The following CMIP variants were observed in gnomAD, a reference collection of about 807,000 sequenced individuals.
The protein encoded by CMIP is C-Maf-inducing protein.
In CMIP, 13 loss-of-function variants were observed where a neutral mutation model predicts 97.3. The ratio of observed to expected loss-of-function variants is 0.13; its 90% CI spans 0.09 to 0.21. The LOEUF (loss-of-function observed/expected upper bound fraction) is 0.21, where lower values mean the gene tolerates loss of function less well. Ranked by LOEUF, CMIP falls within the 10% of genes least tolerant of loss-of-function variation. The pLI, the probability that CMIP is intolerant of heterozygous loss-of-function variation, is 1.00. For synonymous variants in CMIP, 538 were observed against 436.3 expected (o/e 1.23, Z -2.91); for missense variants, 847 against 1,024.9 (o/e 0.83, Z 2.37).
At chr16:81,706,980 G>A (rs372624668) in intron 19 of CMIP, 34 bp from the exon 20 acceptor site, 24 of 1,599,324 alleles carry the variant, frequency 1.5e-5, no homozygotes, top group Non-Finnish European at 1.9e-5. Flanking sequence ...TTGGGGCCTC[G>A]CTCTCCTAAC....
intron 3 of CMIP, among the ~76,000 whole-genome samples, chr16:81,625,926 G>A (rs1022270618): frequency 6.6e-6 from 1 of 152,270 alleles, no homozygotes; most frequent in Non-Finnish European, 1.5e-5. Context: ...CCAGAGCCGG[G>A]GACCAATGAG....
chr16:81,536,515 A>T (rs2090345957), intron 1 of CMIP, among the ~76,000 whole-genome samples: 1 of 152,202 alleles, frequency 6.6e-6, no homozygotes, highest in South Asian at 2.1e-4. Context: ...ACCATTTTTA[A>T]GTGTGCAGAT....
At chr16:81,581,577 G>C (rs752488297) in intron 1 of CMIP, among the ~76,000 whole-genome samples, 5 of 152,156 alleles carry the variant, frequency 3.3e-5, no homozygotes, top group Non-Finnish European at 5.9e-5. Context: ...TGACCAGAAC[G>C]TTGTTATGCA....
At chr16:81,618,908 G>T (rs532316672) in intron 2 of CMIP, 3 of 152,344 alleles carry the variant, frequency 2.0e-5, no homozygotes, top group African/African-American at 7.2e-5. Context: ...CCCGAGCAGG[G>T]TGTATTTTGT....
chr16:81,578,614 A>G (rs1396330069), intron 1 of CMIP, among the ~76,000 whole-genome samples: 1 of 152,202 alleles, frequency 6.6e-6, no homozygotes, highest in Non-Finnish European at 1.5e-5. Flanking sequence ...TCCATAAAGT[A>G]TGAAATCTCC....
chr16:81,583,733 A>C (rs1034330613), intron 1 of CMIP, among the ~76,000 whole-genome samples: 1 of 152,040 alleles, frequency 6.6e-6, no homozygotes, highest in Non-Finnish European at 1.5e-5. Context: ...CCCTTTCCCA[A>C]GTGGTTTCTG....
At chr16:81,648,817 A>G (rs1330488053) in intron 3 of CMIP, among the ~76,000 whole-genome samples, 3 of 112,794 alleles carry the variant, frequency 2.7e-5, no homozygotes, top group Non-Finnish European at 5.4e-5. Flanking sequence ...AAAAAAAAAA[A>G]AAAGCCCTGA....
At chr16:81,483,306 C>G (rs1401156023) in intron 1 of CMIP, among the ~76,000 whole-genome samples, 2 of 142,464 alleles carry the variant, frequency 1.4e-5, no homozygotes, top group Non-Finnish European at 3.0e-5. Flanking sequence ...TGCAAAGGCC[C>G]TGGGGCAGCA....
intron 1 of CMIP, among the ~76,000 whole-genome samples, chr16:81,516,860 GC>G (rs1426134565): frequency 6.6e-6 from 1 of 152,188 alleles, no homozygotes; most frequent in Admixed American, 6.5e-5. Flanking sequence ...AAACCAGATG[GC>G]CTCCAAGGTC....
At chr16:81,557,477 A>G (rs1055412804) in intron 1 of CMIP, among the ~76,000 whole-genome samples, 2 of 152,300 alleles carry the variant, frequency 1.3e-5, no homozygotes, top group South Asian at 4.1e-4. Flanking sequence ...ATATTTATGG[A>G]GTATAATGTG....
chr16:81,645,749 C>G (rs2092357510), intron 3 of CMIP: 1 of 839,072 alleles, frequency 1.2e-6, no homozygotes, highest in Non-Finnish European at 1.9e-6. Flanking sequence ...CTCCTGAGTT[C>G]TACCTCCCTG....
At chr16:81,562,765 A>G (rs2966121) in intron 1 of CMIP, among the ~76,000 whole-genome samples, 60,624 of 152,184 alleles carry the variant, frequency 0.4, 14,919 homozygotes, top group Non-Finnish European at 0.54. Context: ...ATACCCATCC[A>G]GTGAGGGACG....
intron 6 of CMIP, among the ~76,000 whole-genome samples, chr16:81,663,581 C>T (rs1487679186): frequency 1.3e-5 from 2 of 152,206 alleles, no homozygotes; most frequent in Admixed American, 1.3e-4. Context: ...TTTGTCTAAA[C>T]ACCCAGAGCG....
At chr16:81,570,067 T>C (rs557870768) in intron 1 of CMIP, among the ~76,000 whole-genome samples, 18 of 152,258 alleles carry the variant, frequency 1.2e-4, no homozygotes, top group African/African-American at 4.1e-4. Context: ...TTTCCCTCTC[T>C]CCCTTGGAGT....
chr16:81,617,774 C>G (rs1050558042), intron 2 of CMIP, among the ~76,000 whole-genome samples: 1 of 152,250 alleles, frequency 6.6e-6, no homozygotes, highest in Non-Finnish European at 1.5e-5. Context: ...AACTCCTAGT[C>G]CATTCATTCC....
intron 1 of CMIP, among the ~76,000 whole-genome samples, chr16:81,525,502 T>C (rs117818484): frequency 0.021 from 3,193 of 152,340 alleles, 33 homozygotes; most frequent in Non-Finnish European, 0.033. Context: ...ACGTAAGGTT[T>C]ACCATTTTAA....
intron 1 of CMIP, chr16:81,533,763 G>A (rs1416553275): frequency 2.0e-5 from 3 of 152,396 alleles, no homozygotes; most frequent in Non-Finnish European, 4.4e-5. Context: ...ACAGGCATGA[G>A]CCACCGCGCC....
At chr16:81,508,890 C>G (rs553612898) in intron 1 of CMIP, among the ~76,000 whole-genome samples, 13 of 152,188 alleles carry the variant, frequency 8.5e-5, no homozygotes, top group Non-Finnish European at 1.3e-4. Context: ...TTGGGAAGTA[C>G]TTAGGAGAGC....
intron 9 of CMIP, among the ~76,000 whole-genome samples, chr16:81,672,549 G>A (rs953784362): frequency 2.6e-5 from 4 of 152,158 alleles, no homozygotes; most frequent in African/African-American, 9.7e-5. Context: ...GAGAACACAG[G>A]CTTTTGCCCA....
Sources: allele counts gnomAD v4.1 joint callset (sites outside exome capture counted in the v4.1 genomes callset), GRCh38; gene constraint gnomAD v4.1.1; transcripts MANE v1.5; gene names NCBI Gene and HGNC (gene_info 2026-07-23, HGNC 2026-07-21).